The following COQ3 variants were observed in gnomAD, a reference collection of about 807,000 sequenced individuals.
COQ3 encodes the protein coenzyme Q3, methyltransferase, also known as ubiquinone biosynthesis O-methyltransferase, mitochondrial.
A neutral mutation model predicts 33.1 loss-of-function variants in COQ3; 29 were observed. The ratio of observed to expected loss-of-function variants is 0.88; its 90% CI spans 0.65 to 1.19. The LOEUF (loss-of-function observed/expected upper bound fraction) is 1.19. Among genes scored for constraint, COQ3 ranks in the 50% most tolerant of loss-of-function variants. The pLI is 0.00. For synonymous variants in COQ3, 173 were observed against 157.8 expected, an observed-to-expected ratio of 1.10 and a Z score of -0.72; for missense variants, 437 against 430.7, an observed-to-expected ratio of 1.01 and a Z score of -0.13.
intron 1 of COQ3, among the ~76,000 whole-genome samples, chr6:99,393,094 G>T (rs181537827): frequency 1.3e-5 from 2 of 151,788 alleles, no homozygotes; most frequent in East Asian, 3.9e-4. Flanking sequence ...AGGATAAAAT[G>T]ATAGAAAATC....
intron 2 of COQ3, chr6:99,383,178 C>T (rs1774522228): frequency 6.6e-6 from 1 of 152,042 alleles, no homozygotes; most frequent in African/African-American, 2.4e-5. Flanking sequence ...TAATGCTGTG[C>T]AATATTTTCA....
chr6:99,369,579 A>G lies in COQ3; in HGVS notation c.*21T>C, dbSNP rs1347177890. ...AAACATCAGATATCCAAGCCATATTACTATAGTTCTCAGAAACAATTCATT... is the reference window on the plus strand; with the variant it reads ...AAACATCAGATATCCAAGCCATATTGCTATAGTTCTCAGAAACAATTCATT... On this transcript the variant is annotated 3_prime_UTR_variant, in exon 7 of 7. Coordinates refer to ENST00000254759, the MANE Select transcript of COQ3 (RefSeq NM_017421.4). The G allele has an allele frequency of 5.2e-6, 8 of 1,530,646 alleles. No homozygotes were observed. The highest frequency in any genetic ancestry group is 6.3e-6 in the Non-Finnish European group (7 of 1,105,406). 94.8% of individuals were successfully genotyped at this position (1,530,646 alleles called of 1,614,324 possible).
intron 3 of COQ3, among the ~76,000 whole-genome samples, chr6:99,378,421 C>T (rs1774368804): frequency 6.6e-6 from 1 of 151,964 alleles, no homozygotes; most frequent in Non-Finnish European, 1.5e-5. Flanking sequence ...TAGATCATAT[C>T]ACTTTCCTTC....
At chr6:99,380,167 C>A in intron 3 of COQ3, 22 bp downstream of exon 3, 1 of 1,600,122 alleles carries the variant, frequency 6.2e-7, no homozygotes, top group Non-Finnish European at 8.5e-7. Flanking sequence ...TTTAAAAAGA[C>A]TTAGAGTTTC....
At chr6:99,381,040 T>TATC (rs2128471958) in intron 2 of COQ3, among the ~76,000 whole-genome samples, 1 of 152,318 alleles carries the variant, frequency 6.6e-6, no homozygotes, top group Non-Finnish European at 1.5e-5. Flanking sequence ...GTATTATTAT[T>TATC]ATCCCTATTT....
At chr6:99,384,959 A>G (rs953206962) in intron 1 of COQ3, among the ~76,000 whole-genome samples, 7 of 152,162 alleles carry the variant, frequency 4.6e-5, no homozygotes, top group African/African-American at 1.4e-4. Context: ...AAAAATACAA[A>G]AATTAGCCAG....
intron 5 of COQ3, among the ~76,000 whole-genome samples, chr6:99,375,127 G>A (rs770936817): frequency 6.6e-6 from 1 of 151,136 alleles, no homozygotes. Flanking sequence ...GCGCCACCAC[G>A]CCTGGCTAAT....
intron 1 of COQ3, among the ~76,000 whole-genome samples, chr6:99,392,856 C>A (rs1376894929): frequency 6.6e-6 from 1 of 152,160 alleles, no homozygotes; most frequent in Non-Finnish European, 1.5e-5. Flanking sequence ...CACTTGACCT[C>A]AAGTGAGCTG....
intron 1 of COQ3, among the ~76,000 whole-genome samples, chr6:99,385,835 G>C (rs929070289): frequency 6.6e-6 from 1 of 151,734 alleles, no homozygotes; most frequent in African/African-American, 2.4e-5. Flanking sequence ...AAATTAGCTG[G>C]GGATGGTGGT....
intron 3 of COQ3, among the ~76,000 whole-genome samples, chr6:99,379,042 T>A (rs1246102911): frequency 4.6e-5 from 7 of 151,568 alleles, no homozygotes; most frequent in Non-Finnish European, 1.0e-4. Context: ...TACTTTAAGT[T>A]TTAGGGTACA....
At chr6:99,391,671 T>G (rs1479353904) in intron 1 of COQ3, among the ~76,000 whole-genome samples, 1 of 152,128 alleles carries the variant, frequency 6.6e-6, no homozygotes, top group Non-Finnish European at 1.5e-5. Flanking sequence ...AATCCCTAAG[T>G]CATCAGTATT....
intron 6 of COQ3, among the ~76,000 whole-genome samples, 163 bp from the exon 7 acceptor site, chr6:99,369,983 T>G (rs1323868061): frequency 2.0e-5 from 3 of 152,160 alleles, no homozygotes; most frequent in Admixed American, 6.5e-5. Context: ...AAGCGTATTT[T>G]GTAACTATGC....
At chr6:99,384,949 A>G (rs1774579895) in intron 1 of COQ3, among the ~76,000 whole-genome samples, 1 of 152,180 alleles carries the variant, frequency 6.6e-6, no homozygotes, top group Non-Finnish European at 1.5e-5. Flanking sequence ...TGTCTCCACT[A>G]AAAATACAAA....
chr6:99,386,152 G>A (rs1171221448), intron 1 of COQ3, among the ~76,000 whole-genome samples: 2 of 151,920 alleles, frequency 1.3e-5, no homozygotes, highest in African/African-American at 4.8e-5. Context: ...GAAATCAGCC[G>A]GGTGAGGGGG....
chr6:99,379,808 C>T (rs976277154), intron 3 of COQ3, among the ~76,000 whole-genome samples: 5 of 151,406 alleles, frequency 3.3e-5, no homozygotes, highest in African/African-American at 7.3e-5. Flanking sequence ...TGAATCAAGA[C>T]GGTGACATTG....
intron 2 of COQ3, 141 bp downstream of exon 2, chr6:99,383,557 G>T: frequency 1.8e-6 from 1 of 568,016 alleles, no homozygotes; most frequent in South Asian, 3.6e-5. Flanking sequence ...AAATAAATTA[G>T]TTGAGACTAC....
intron 3 of COQ3, among the ~76,000 whole-genome samples, chr6:99,378,016 A>G (rs1774343605): frequency 6.6e-6 from 1 of 150,582 alleles, no homozygotes; most frequent in Non-Finnish European, 1.5e-5. Flanking sequence ...CTTCTAAGAT[A>G]ATCACGGTTA....
intron 1 of COQ3, among the ~76,000 whole-genome samples, chr6:99,390,380 C>G (rs1450062267): frequency 6.9e-6 from 1 of 144,692 alleles, no homozygotes; most frequent in Non-Finnish European, 1.5e-5. Context: ...GTCGCCCAGG[C>G]TGGAGTGCAG....
intron 1 of COQ3, among the ~76,000 whole-genome samples, chr6:99,387,186 C>T (rs144347605): frequency 2.6e-5 from 4 of 152,294 alleles, no homozygotes; most frequent in African/African-American, 7.2e-5. Flanking sequence ...GGGTGGCTCA[C>T]ACCTGTAGTT....
Sources: gnomAD v4.1 joint callset for allele counts (sites outside exome capture counted in the v4.1 genomes callset) on GRCh38, gnomAD v4.1.1 for gene constraint, MANE v1.5 for transcripts, NCBI Gene and HGNC (gene_info 2026-07-23, HGNC 2026-07-21) for gene names.